NPAT: variants seen among roughly 807,000 people sequenced by gnomAD.
NPAT encodes protein NPAT.
Under a neutral mutation model 130.7 loss-of-function variants are expected in NPAT, and 52 were observed. That is an observed-to-expected ratio of 0.40 (90% CI 0.32 to 0.50). The LOEUF (loss-of-function observed/expected upper bound fraction) is 0.50, where lower values mean the gene tolerates loss of function less well. Ranked by LOEUF, NPAT falls within the 20% of genes least tolerant of loss-of-function variation. The pLI is 0.68. For missense variants in NPAT, 1,687 were observed against 1,662.6 expected, an observed-to-expected ratio of 1.01 and a Z score of -0.26; for synonymous variants, 580 against 584.8, an observed-to-expected ratio of 0.99 and a Z score of 0.12.
chr11:108,199,985 T>G (rs2078259222), intron 1 of NPAT, among the ~76,000 whole-genome samples: 2 of 152,204 alleles, frequency 1.3e-5, no homozygotes, highest in South Asian at 4.1e-4. Flanking sequence ...GGAATGAGCA[T>G]TTTGCTTAGT....
At chr11:108,190,299 C>T (rs528752803) in intron 5 of NPAT, among the ~76,000 whole-genome samples, 161 bp downstream of exon 5, 39 of 107,206 alleles carry the variant, frequency 3.6e-4, no homozygotes, top group Middle Eastern at 0.012. Context: ...GGCGACAGAG[C>T]GAGACACTGT....
In NPAT at chr11:108,206,764, G is replaced by A. The variant is rs573837663; in HGVS notation, c.38-9344C>T. On this transcript the variant is annotated intron_variant, in intron 1 of 17. Transcript: ENST00000278612. ...AGTGGGTCCCATGTTATTATCCTGC[G>A]TCCAGGAAGAATGAGGTTCACGGTC... is the stretch of plus-strand genomic sequence containing the variant. Among the ~76,000 whole-genome samples, 35 of 152,300 alleles carry A rather than the reference G, an allele frequency of 2.3e-4. No homozygotes were observed. The South Asian group carries it at 3.3e-3, about 14-fold the overall frequency.
In NPAT at chr11:108,197,319, T is replaced by C; in HGVS notation, c.139A>G (p.Ile47Val). 1 of 1,603,692 alleles carries C rather than the reference T, an allele frequency of 6.2e-7. No individual in the cohort carries two copies. The highest frequency in any genetic ancestry group is 8.5e-7 in the Non-Finnish European group (1 of 1,170,530). ...YAEHCTDEGF[I>V]PACLLSLFGK... is the part of the protein sequence containing the mutation. The stretch of plus-strand genomic sequence containing the variant: ...TAACTCACCAGTAAGCAGGCTGGAA[T>C]AAACCCTTCATCTGTACAATGTTCT... Residue 47 changes from isoleucine (I) to valine (V), a missense_variant, in exon 2 of 18, where the codon ATT becomes GTT. Transcript: ENST00000278612.
intron 1 of NPAT, among the ~76,000 whole-genome samples, chr11:108,200,344 A>G (rs1361669678): frequency 6.6e-6 from 1 of 152,106 alleles, no homozygotes; most frequent in African/African-American, 2.4e-5. Context: ...CCAACCCCTT[A>G]GTTATAGTTG....
intron 1 of NPAT, chr11:108,208,490 AGGTGGG>A (rs2078350491): frequency 2.2e-6 from 1 of 455,106 alleles, no homozygotes; most frequent in Non-Finnish European, 4.4e-6. Context: ...CTGGAGGTGG[AGGTGGG>A]AGGATAGCTT....
At position 108,204,963 on chromosome 11, in the gene NPAT, G is replaced by A. The variant is rs183978443; in HGVS notation, c.38-7543C>T. On this transcript the variant is annotated intron_variant, in intron 1 of 17. Transcript: ENST00000278612. ...ATTTGAAGAAATAATGTCTAGAAAC[G>A]TGCAAATTTGAGAAAAAACTTAATC... Among the ~76,000 whole-genome samples the A allele has an allele frequency of 1.8e-4, 27 of 151,554 alleles. 1 individual carries two copies. In the East Asian group the frequency reaches 3.9e-3, roughly 22 times the overall value.
At chr11:108,160,317 C>T (rs1185661130) in intron 17 of NPAT, among the ~76,000 whole-genome samples, 1 of 151,948 alleles carries the variant, frequency 6.6e-6, no homozygotes, top group African/African-American at 2.4e-5. Context: ...GAGTGAAACC[C>T]TCTCTCAAAA....
intron 1 of NPAT, among the ~76,000 whole-genome samples, chr11:108,217,617 C>T (rs1455090126): frequency 6.6e-6 from 1 of 152,064 alleles, no homozygotes; most frequent in Non-Finnish European, 1.5e-5. Flanking sequence ...TGACTATAAC[C>T]AATTCTCAGT....
chr11:108,186,534 G>A lies in NPAT; in HGVS notation c.674C>T (p.Pro225Leu). The A allele has an allele frequency of 2.5e-6, 4 of 1,614,022 alleles. No homozygotes were observed. The highest frequency in any genetic ancestry group is 3.4e-6 in the Non-Finnish European group (4 of 1,179,970). ...TTGGAAATTCCGTATTGTTGAATGA[G>A]GGCCAGACAAAGTGGTACTTTTTCT... ...SQRKSTTLSG[P>L]HSTIRNFQDP... is the part of the protein sequence containing the mutation. Residue 225 changes from proline (P) to leucine (L), a missense_variant, in exon 8 of 18, where the codon CCT becomes CTT. Physicochemically the swap from Pro to Leu is moderately conservative, Grantham distance 98. Around this residue, in one of 3 missense-constraint regions of NPAT, gnomAD observed 307 missense variants for 298.9 expected, o/e 1.03. Coordinates refer to ENST00000278612, the MANE Select transcript of NPAT (RefSeq NM_002519.3).
At chr11:108,193,328 T>C in intron 3 of NPAT, among the ~76,000 whole-genome samples, 1 of 152,314 alleles carries the variant, frequency 6.6e-6, no homozygotes, top group South Asian at 2.1e-4. Context: ...TCAGTGTAGA[T>C]AACACAGAGG....
chr11:108,215,395 T>C (rs748433270), intron 1 of NPAT, among the ~76,000 whole-genome samples: 3 of 151,608 alleles, frequency 2.0e-5, no homozygotes, highest in Non-Finnish European at 2.9e-5. Context: ...TGGGAGGAGG[T>C]AGAGGATCAG....
chr11:108,170,131 C>T (rs2077937086), intron 13 of NPAT, 88 bp from the exon 14 acceptor site: 11 of 674,874 alleles, frequency 1.6e-5, no homozygotes, highest in South Asian at 1.6e-4. Flanking sequence ...TTAATTACTG[C>T]TTTGAAATAA....
At chr11:108,186,593 T>C (rs1366134711) in intron 7 of NPAT, 24 bp from the exon 8 acceptor site, 5 of 1,552,146 alleles carry the variant, frequency 3.2e-6, no homozygotes, top group Non-Finnish European at 8.9e-7. Flanking sequence ...TAAAAGCTTT[T>C]CTTTTAACCA....
chr11:108,214,686 G>A (rs1400964425), intron 1 of NPAT, among the ~76,000 whole-genome samples: 1 of 148,380 alleles, frequency 6.7e-6, no homozygotes, highest in Non-Finnish European at 1.5e-5. Context: ...GTGCTGGAGT[G>A]CAATGATGCA....
intron 1 of NPAT, among the ~76,000 whole-genome samples, chr11:108,209,212 G>A (rs1480322691): frequency 6.6e-6 from 1 of 152,120 alleles, no homozygotes; most frequent in South Asian, 2.1e-4. Flanking sequence ...CCTGAGAGGC[G>A]GAGGCTGCAG....
chr11:108,169,995 A>G lies in NPAT; in HGVS notation c.2834T>C (p.Met945Thr), dbSNP rs2077935776. The G allele has an allele frequency of 7.4e-6, 12 of 1,613,942 alleles. No individual in the cohort carries two copies. The highest frequency in any genetic ancestry group is 1.0e-5 in the Non-Finnish European group (12 of 1,179,856). The change falls in exon 14 of 18, where the codon ATG becomes ACG. Residue 945 changes from methionine (M) to threonine (T), a missense_variant. By Grantham distance (81) the Met-to-Thr change is moderately conservative. Around this residue, in one of 3 missense-constraint regions of NPAT, gnomAD observed 1,379 missense variants for 1,346.6 expected, o/e 1.02. Transcript: ENST00000278612. ...ASPVQPVLQG[M>T]VGMIPVSVVG... ...CACAGATACTGGGATCATCCCTACCATTCCTTGGAGTACAGGCTGGACTGG... is the reference window on the plus strand; with the variant it reads ...CACAGATACTGGGATCATCCCTACCGTTCCTTGGAGTACAGGCTGGACTGG...
chr11:108,193,905 G>A, intron 3 of NPAT, 52 bp downstream of exon 3: 1 of 1,042,482 alleles, frequency 9.6e-7, no homozygotes, highest in Non-Finnish European at 1.5e-6. Flanking sequence ...ACTAAATCAA[G>A]TAGATAAATA....
chr11:108,197,020 G>GA (rs998655342), intron 2 of NPAT, among the ~76,000 whole-genome samples: 4 of 150,372 alleles, frequency 2.7e-5, no homozygotes, highest in Middle Eastern at 3.4e-3. Context: ...AGGTCAGGAA[G>GA]AAAAAAAAAG....
intron 2 of NPAT, among the ~76,000 whole-genome samples, chr11:108,194,263 C>A (rs1169796091): frequency 6.6e-6 from 1 of 152,144 alleles, no homozygotes; most frequent in Non-Finnish European, 1.5e-5. Context: ...TGCTTCCAGA[C>A]CCTCTCAGCA....
Sources: allele counts gnomAD v4.1 joint callset (sites outside exome capture counted in the v4.1 genomes callset), GRCh38; gene constraint gnomAD v4.1.1; regional missense constraint gnomAD v4.1.1; transcripts MANE v1.5; gene names NCBI Gene and HGNC (gene_info 2026-07-23, HGNC 2026-07-21).